IQUB: variants seen among roughly 807,000 people sequenced by gnomAD.
IQUB encodes the protein IQ motif and ubiquitin domain containing.
IQUB carries 86 observed loss-of-function variants against 86.4 expected under a neutral mutation model. The observed-to-expected ratio is 1.00, with a 90% CI of 0.84 to 1.19. IQUB has a LOEUF of 1.19. Ranked by LOEUF, IQUB falls within the 50% of genes most tolerant of loss-of-function variation. IQUB has a pLI of 0.00. For missense variants in IQUB, 946 were observed against 916.9 expected (o/e 1.03, Z -0.41); for synonymous variants, 289 against 304.5 (o/e 0.95, Z 0.53).
At position 123,476,587 on chromosome 7, in the gene IQUB, T is replaced by A. The variant is rs141460732; in HGVS notation, c.1410+3208A>T. ...GAGGCCACTTTGGCAGTGATATAGA[T>A]AATGGAGGAGAGAATTGAGACGTGA... On this transcript the variant is annotated intron_variant, in intron 8 of 12. Coordinates refer to ENST00000324698, the MANE Select transcript of IQUB (RefSeq NM_178827.5). Among the ~76,000 whole-genome samples the A allele has an allele frequency of 1.4e-4, 22 of 151,738 alleles. No homozygotes were observed. The East Asian group carries it at 4.3e-3, about 30-fold the overall frequency.
chr7:123,531,835 C>T (rs1267977776), intron 1 of IQUB, among the ~76,000 whole-genome samples: 1 of 152,192 alleles, frequency 6.6e-6, no homozygotes, highest in African/African-American at 2.4e-5. Context: ...ATGTGTAAAT[C>T]TTCACCACTA....
intron 8 of IQUB, among the ~76,000 whole-genome samples, chr7:123,475,292 C>CA (rs1468861922): frequency 2.0e-5 from 3 of 148,530 alleles, no homozygotes; most frequent in East Asian, 2.0e-4. Context: ...AAAGTATTTA[C>CA]AAAAAAACAA....
chr7:123,506,111 C>T (rs1322154759), intron 3 of IQUB, among the ~76,000 whole-genome samples: 2 of 152,228 alleles, frequency 1.3e-5, no homozygotes, highest in Non-Finnish European at 2.9e-5. Flanking sequence ...TAAAGCATAG[C>T]ACGTGTGACC....
chr7:123,464,461 G>C (rs1409520226), intron 10 of IQUB, among the ~76,000 whole-genome samples: 1 of 151,868 alleles, frequency 6.6e-6, no homozygotes, highest in Non-Finnish European at 1.5e-5. Flanking sequence ...GAGATGAGAT[G>C]AGAATTGAGT....
chr7:123,527,127 T>C (rs1397395572), intron 1 of IQUB, among the ~76,000 whole-genome samples: 2 of 152,220 alleles, frequency 1.3e-5, no homozygotes, highest in African/African-American at 4.8e-5. Flanking sequence ...GGCTTCTGCA[T>C]TCTTCACGTA....
rs566354894 is a variant in IQUB, at chr7:123,518,057, G to C, written c.-4-5713C>G. Among the ~76,000 whole-genome samples the C allele has an allele frequency of 2.0e-5, 3 of 152,268 alleles. No individual in the cohort carries two copies. In the South Asian group the frequency reaches 6.2e-4, roughly 32 times the overall value. Reference sequence around the variant, plus strand: ...GCCTAAGATAATAAATTTCATAACTGTAACATGAGTAAATTATATCTAACA... The same window carrying C: ...GCCTAAGATAATAAATTTCATAACTCTAACATGAGTAAATTATATCTAACA... On this transcript the variant is annotated intron_variant, in intron 1 of 12. Transcript: ENST00000324698.
intron 1 of IQUB, among the ~76,000 whole-genome samples, chr7:123,531,223 A>G (rs1797524517): frequency 1.3e-5 from 2 of 152,182 alleles, no homozygotes; most frequent in Non-Finnish European, 2.9e-5. Flanking sequence ...AGAGAAATGT[A>G]TTTTCCAAAC....
chr7:123,523,634 T>G (rs1213649801), intron 1 of IQUB, among the ~76,000 whole-genome samples: 1 of 151,560 alleles, frequency 6.6e-6, no homozygotes. Context: ...TTGCGAAAAT[T>G]TTCTCCCATT....
At chr7:123,454,119 C>T (rs1793577898) in intron 12 of IQUB, among the ~76,000 whole-genome samples, 1 of 152,160 alleles carries the variant, frequency 6.6e-6, no homozygotes, top group Non-Finnish European at 1.5e-5. Context: ...AAAATTTCCT[C>T]TTAACAGAAA....
chr7:123,457,611 T>C, intron 11 of IQUB, 45 bp from the exon 12 acceptor site: 7 of 1,370,768 alleles, frequency 5.1e-6, no homozygotes, highest in Non-Finnish European at 7.1e-6. Flanking sequence ...TTTAAATTTG[T>C]TTAAGATTAT....
chr7:123,483,740 G>A (rs1795103140), intron 7 of IQUB, among the ~76,000 whole-genome samples: 2 of 151,938 alleles, frequency 1.3e-5, no homozygotes, highest in Non-Finnish European at 2.9e-5. Flanking sequence ...TTCACTATTA[G>A]GTTTAAAGAC....
At chr7:123,513,532 TA>T (rs971899793) in intron 1 of IQUB, among the ~76,000 whole-genome samples, 3 of 152,046 alleles carry the variant, frequency 2.0e-5, no homozygotes, top group Non-Finnish European at 2.9e-5. Flanking sequence ...CTTTGCAGTC[TA>T]AAAAAAACCT....
intron 7 of IQUB, among the ~76,000 whole-genome samples, chr7:123,489,597 A>G (rs922219462): frequency 6.6e-6 from 1 of 151,934 alleles, no homozygotes; most frequent in Non-Finnish European, 1.5e-5. Flanking sequence ...TCCACATATT[A>G]TGTTGATATT....
intron 8 of IQUB, among the ~76,000 whole-genome samples, chr7:123,472,947 CAA>C (rs1794597268): frequency 6.6e-6 from 1 of 151,950 alleles, no homozygotes; most frequent in African/African-American, 2.4e-5. Context: ...TAGCTGCCAA[CAA>C]AAGAGACAGC....
At chr7:123,528,685 C>G (rs943819004) in intron 1 of IQUB, among the ~76,000 whole-genome samples, 9 of 152,136 alleles carry the variant, frequency 5.9e-5, no homozygotes, top group Non-Finnish European at 2.9e-5. Flanking sequence ...CCAGGAATGC[C>G]TCATGGTAGG....
At chr7:123,504,175 C>T (rs919219319) in intron 3 of IQUB, among the ~76,000 whole-genome samples, 3 of 152,152 alleles carry the variant, frequency 2.0e-5, no homozygotes, top group African/African-American at 7.2e-5. Flanking sequence ...TTAGGCCACA[C>T]ATGGCGGTTC....
chr7:123,468,673 C>A (rs114071799), intron 9 of IQUB, among the ~76,000 whole-genome samples: 1,813 of 152,270 alleles, frequency 0.012, 35 homozygotes, highest in African/African-American at 0.041. Context: ...TTTCTCTATC[C>A]TCCCGATTCT....
chr7:123,530,074 T>C (rs1351330403), intron 1 of IQUB, among the ~76,000 whole-genome samples: 1 of 151,342 alleles, frequency 6.6e-6, no homozygotes, highest in African/African-American at 2.4e-5. Flanking sequence ...CTGGGAGTGG[T>C]GGCAGGAGCC....
At chr7:123,517,832 C>T (rs1056400143) in intron 1 of IQUB, among the ~76,000 whole-genome samples, 1 of 152,278 alleles carries the variant, frequency 6.6e-6, no homozygotes, top group Admixed American at 6.5e-5. Context: ...AATGCTTGCT[C>T]ACCTATGCCC....
Sources: allele counts gnomAD v4.1 joint callset (sites outside exome capture counted in the v4.1 genomes callset), GRCh38; gene constraint gnomAD v4.1.1; transcripts MANE v1.5; gene names NCBI Gene and HGNC (gene_info 2026-07-23, HGNC 2026-07-21).